The following EMCN variants were observed in gnomAD, a reference collection of about 807,000 sequenced individuals.
The protein encoded by EMCN is MUC-14.
EMCN carries 37 observed loss-of-function variants against 38.4 expected under a neutral mutation model. The ratio of observed to expected loss-of-function variants is 0.96; its 90% CI spans 0.74 to 1.27. The LOEUF is 1.27. Ranked by LOEUF, EMCN falls within the 50% of genes most tolerant of loss-of-function variation. The pLI, the probability that EMCN is intolerant of heterozygous loss-of-function variation, is 0.00. For synonymous variants in EMCN, 95 were observed against 100.8 expected (o/e 0.94, Z 0.35); for missense variants, 318 against 302.8 (o/e 1.05, Z -0.37).
At chr4:100,506,453 A>G (rs1197146488) in intron 1 of EMCN, among the ~76,000 whole-genome samples, 1 of 152,140 alleles carries the variant, frequency 6.6e-6, no homozygotes, top group Non-Finnish European at 1.5e-5. Context: ...AAAAGAGGAT[A>G]AGGTAGGGTT....
Position 100,403,721 on chromosome 4 carries a change from C to T in EMCN, c.*40-5348G>A, listed in dbSNP as rs555517660. ...TATAAGCATTCCCTTTTCTCTACAA[C>T]CTGGCCAGCATCTGTGACTTCTTGA... On this transcript the variant is annotated intron_variant, in intron 11 of 11. Coordinates refer to ENST00000296420, the MANE Select transcript of EMCN (RefSeq NM_016242.4). Among the ~76,000 whole-genome samples the T allele has an allele frequency of 1.6e-3, 238 of 152,204 alleles. 1 individual carries two copies. Among genetic ancestry groups the T allele is most frequent in the African/African-American group, 5.5e-3 (230 of 41,530 alleles).
chr4:100,424,127 A>T (rs565853335), intron 5 of EMCN, among the ~76,000 whole-genome samples: 36 of 152,298 alleles, frequency 2.4e-4, no homozygotes, highest in Non-Finnish European at 4.3e-4. Context: ...AAAATCTACT[A>T]TTCAAAATCC....
intron 4 of EMCN, among the ~76,000 whole-genome samples, chr4:100,449,289 T>C (rs1727773208): frequency 6.6e-6 from 1 of 152,194 alleles, no homozygotes; most frequent in Non-Finnish European, 1.5e-5. Flanking sequence ...TATTAGTTGA[T>C]ACCTATAAGG....
intron 5 of EMCN, among the ~76,000 whole-genome samples, chr4:100,439,934 T>G (rs1362041933): frequency 6.6e-6 from 1 of 152,100 alleles, no homozygotes; most frequent in African/African-American, 2.4e-5. Context: ...ATTGTGGATT[T>G]TCAAGATTCC....
chr4:100,510,653 T>C (rs1333570482), intron 1 of EMCN, among the ~76,000 whole-genome samples: 1 of 152,144 alleles, frequency 6.6e-6, no homozygotes. Flanking sequence ...TGTAGAGATA[T>C]TGCAAGAACC....
At chr4:100,471,126 T>C (rs1728465844) in intron 3 of EMCN, among the ~76,000 whole-genome samples, 1 of 151,474 alleles carries the variant, frequency 6.6e-6, no homozygotes, top group Admixed American at 6.6e-5. Flanking sequence ...AAATAGAGAA[T>C]AGAAACACAA....
chr4:100,438,073 C>A (rs1480863540), intron 5 of EMCN, among the ~76,000 whole-genome samples: 8 of 151,630 alleles, frequency 5.3e-5, no homozygotes, highest in Non-Finnish European at 5.9e-5. Flanking sequence ...ATTCTTTTAT[C>A]AATGTTTTCT....
In EMCN at chr4:100,421,333, A is replaced by C; in HGVS notation, c.613T>G (p.Ser205Ala). The C allele has an allele frequency of 1.2e-6, 2 of 1,612,936 alleles. No homozygotes were observed. The highest frequency in any genetic ancestry group is 1.1e-5 in the South Asian group (1 of 91,034). Residue 205 changes from serine (S) to alanine (A), a missense_variant, in exon 8 of 12, where the codon TCA (serine) becomes GCA (alanine). Transcript: ENST00000296420. The part of the protein sequence containing the change: ...VVIALIVITL[S>A]VFVLVGLYRM... ...TACAAACCCACCAGAACAAATACTG[A>C]AAGTGTTATTACAATCAAAGCAATA...
In EMCN at chr4:100,449,205, C is replaced by A. The variant is rs1252410567; in HGVS notation, c.377-1634G>T. Reference sequence around the variant, plus strand: ...TTCAACTTTTAAAGAAAAATGAATACTTTATTTAAAATTTCCTAGTTGGAT... The same window carrying A: ...TTCAACTTTTAAAGAAAAATGAATAATTTATTTAAAATTTCCTAGTTGGAT... On this transcript the variant is annotated intron_variant, in intron 4 of 11. Coordinates refer to ENST00000296420, the MANE Select transcript of EMCN (RefSeq NM_016242.4). Among the ~76,000 whole-genome samples, 3 of 151,842 alleles carry A rather than the reference C, an allele frequency of 2.0e-5. No individual in the cohort carries two copies. The East Asian group carries it at 5.8e-4, about 29-fold the overall frequency.
At position 100,417,128 on chromosome 4, in the gene EMCN, ATTTTCTGGTGT is replaced by A. The variant is rs1560606221; in HGVS notation, c.667_677del (p.Thr223TrpfsTer3). 2 of 1,613,594 alleles carry A rather than the reference ATTTTCTGGTGT, an allele frequency of 1.2e-6. No individual in the cohort carries two copies. The highest frequency in any genetic ancestry group is 2.7e-5 in the African/African-American group (2 of 74,902). Reference sequence around the variant, plus strand: ...ATGGGCTTACTTACTGATCATTTCCATTTTCTGGTGTGCCTAGGAGAAGAGGGAGTTGTTAT... The same window carrying A: ...ATGGGCTTACTTACTGATCATTTCCAGCCTAGGAGAAGAGGGAGTTGTTAT... On this transcript the variant is annotated frameshift_variant and splice_region_variant, in exon 9 of 12. Coordinates refer to ENST00000296420, the MANE Select transcript of EMCN (RefSeq NM_016242.4). LOFTEE classifies it high-confidence loss of function.
Position 100,423,201 on chromosome 4 carries a change from G to C in EMCN, c.508+111C>G, listed in dbSNP as rs1726942354. 4.5e-6 allele frequency: 6 copies of C among 1,323,762 alleles called. No individual in the cohort carries two copies. The South Asian group carries it at 5.9e-5, about 13-fold the overall frequency. 82.0% of individuals were successfully genotyped at this position (1,323,762 alleles called of 1,614,324 possible). On this transcript the variant is annotated intron_variant, in intron 6 of 11. Coordinates refer to ENST00000296420, the MANE Select transcript of EMCN (RefSeq NM_016242.4). ...TAGGTATGATGCTGCAAGTGCAAAA[G>C]ATTCAGTCTCATTCTGAAGGAGCTC... is the stretch of plus-strand genomic sequence containing the variant.
intron 11 of EMCN, among the ~76,000 whole-genome samples, chr4:100,401,609 G>T (rs913301371): frequency 1.3e-5 from 2 of 152,132 alleles, no homozygotes; most frequent in Non-Finnish European, 2.9e-5. Context: ...TGAAAAACAT[G>T]TTAAGCTCTT....
intron 5 of EMCN, among the ~76,000 whole-genome samples, chr4:100,426,995 C>G (rs1727063275): frequency 6.6e-6 from 1 of 152,048 alleles, no homozygotes; most frequent in African/African-American, 2.4e-5. Context: ...GTTTCCCTCC[C>G]CAATTTTTTT....
intron 5 of EMCN, among the ~76,000 whole-genome samples, chr4:100,441,104 G>C (rs1438005561): frequency 6.6e-6 from 1 of 151,704 alleles, no homozygotes; most frequent in Non-Finnish European, 1.5e-5. Context: ...AAAAAAAGTG[G>C]GGTATTAAAG....
chr4:100,434,963 C>T (rs918780032), intron 5 of EMCN, among the ~76,000 whole-genome samples: 5 of 152,164 alleles, frequency 3.3e-5, no homozygotes, highest in Non-Finnish European at 5.9e-5. Flanking sequence ...TGAAAACCAG[C>T]ACAAGACAAG....
Position 100,472,769 on chromosome 4 carries a change from T to G in EMCN, c.259+2269A>C, listed in dbSNP as rs549668214. Among the ~76,000 whole-genome samples, 12 of 152,054 alleles carry G rather than the reference T, an allele frequency of 7.9e-5. No homozygotes were observed. In the South Asian group the frequency reaches 2.5e-3, roughly 32 times the overall value. On this transcript the variant is annotated intron_variant, in intron 3 of 11. Coordinates refer to ENST00000296420, the MANE Select transcript of EMCN (RefSeq NM_016242.4). ...TAATCAAGAGTATATGATTCTGACA[T>G]AACAATAGGCATATAGGTATAAGTG...
In EMCN at chr4:100,411,908, G is replaced by T. The variant is rs184956515; in HGVS notation, c.752-1553C>A. 4.7e-3 allele frequency among the ~76,000 whole-genome samples: 720 copies of T among 152,188 alleles called. 5 individuals carry two copies. The highest frequency in any genetic ancestry group is 7.9e-3 in the Non-Finnish European group (535 of 68,004). On this transcript the variant is annotated intron_variant, in intron 10 of 11. Coordinates refer to ENST00000296420, the MANE Select transcript of EMCN (RefSeq NM_016242.4). ...CGGACAGAAGAGGATTCTATATATG[G>T]CTTTATAAATTTGTGAATGTTTTGT...
At chr4:100,487,059 A>G (rs888902134) in intron 1 of EMCN, 2 of 971,106 alleles carry the variant, frequency 2.1e-6, no homozygotes, top group African/African-American at 3.5e-5. Context: ...GTTACATTTA[A>G]TATTTATAAA....
Position 100,475,658 on chromosome 4 carries a change from C to CATTTTTTTTTTTTTTTTTTTTTT in EMCN, c.188-550_188-549insAAAAAAAAAAAAAAAAAAAAAAT, listed in dbSNP as rs1728617733. 4.6e-5 allele frequency among the ~76,000 whole-genome samples: 5 copies of CATTTTTTTTTTTTTTTTTTTTTT among 108,092 alleles called. 1 individual carries two copies. Among genetic ancestry groups the CATTTTTTTTTTTTTTTTTTTTTT allele is most frequent in the South Asian group, 3.0e-4 (1 of 3,320 alleles). The allele number at this position is 108,092 out of a possible 152,430, so 70.9% of individuals were successfully genotyped here. The stretch of plus-strand genomic sequence containing the variant: ...CTTGAGGGCAGTATCCAATTCTAGT[C>CATTTTTTTTTTTTTTTTTTTTTT]CTTTTTTTTTTTTTTTTTTTTTTTT... On this transcript the variant is annotated intron_variant, in intron 2 of 11. Transcript: ENST00000296420.
Sources: allele counts gnomAD v4.1 joint callset (sites outside exome capture counted in the v4.1 genomes callset), GRCh38; gene constraint gnomAD v4.1.1; transcripts MANE v1.5; gene names NCBI Gene and HGNC (gene_info 2026-07-23, HGNC 2026-07-21).